TBC1D14: variants seen among roughly 807,000 people sequenced by gnomAD.
TBC1D14 encodes the protein TBC1 domain family, member 14.
A neutral mutation model predicts 79.0 loss-of-function variants in TBC1D14; 26 were observed. The ratio of observed to expected loss-of-function variants is 0.33; its 90% CI spans 0.24 to 0.46. TBC1D14 has a LOEUF of 0.46. Ranked by LOEUF, TBC1D14 falls within the 20% of genes least tolerant of loss-of-function variation. TBC1D14 has a pLI of 1.00. For missense variants in TBC1D14, 769 were observed against 887.6 expected, an observed-to-expected ratio of 0.87 and a Z score of 1.70; for synonymous variants, 394 against 349.9, an observed-to-expected ratio of 1.13 and a Z score of -1.40.
At chr4:6,931,328 C>T (rs561740334) in intron 2 of TBC1D14, among the ~76,000 whole-genome samples, 20 of 152,332 alleles carry the variant, frequency 1.3e-4, no homozygotes, top group African/African-American at 4.8e-4. Context: ...GTCTGCACTT[C>T]TTTTCCAGCC....
intron 1 of TBC1D14, among the ~76,000 whole-genome samples, chr4:6,922,248 G>T (rs77046649): frequency 0.01 from 1,579 of 152,150 alleles, 28 homozygotes; most frequent in African/African-American, 0.036. Context: ...TAGAGACAGG[G>T]TCTTGTTACG....
At chr4:7,021,953 G>A (rs1381519125) in intron 12 of TBC1D14, among the ~76,000 whole-genome samples, 1 of 152,230 alleles carries the variant, frequency 6.6e-6, no homozygotes, top group Non-Finnish European at 1.5e-5. Flanking sequence ...GACCGGTTCT[G>A]ATCCCATGGC....
At chr4:6,978,738 TAAA>T (rs59534721) in intron 3 of TBC1D14, among the ~76,000 whole-genome samples, 11,558 of 108,160 alleles carry the variant, frequency 0.11, 735 homozygotes, top group African/African-American at 0.22. Context: ...AATGATCAAT[TAAA>T]AAAAAAAAAA....
At chr4:7,010,631 G>A (rs373945277) in intron 10 of TBC1D14, 22 bp from the exon 11 acceptor site, 39 of 1,605,962 alleles carry the variant, frequency 2.4e-5, no homozygotes, top group Non-Finnish European at 3.1e-5. Context: ...TGATTTTAAC[G>A]TGCCTTTCTC....
chr4:6,917,239 A>G (rs572686855), intron 1 of TBC1D14, among the ~76,000 whole-genome samples: 89 of 152,334 alleles, frequency 5.8e-4, no homozygotes, highest in Middle Eastern at 6.8e-3. Context: ...GGTAGTAATT[A>G]ATTCAGCGAG....
Position 6,923,881 on chromosome 4 carries a change from A to G in TBC1D14, c.492A>G (p.Thr164=), listed in dbSNP as rs1313229783. 3.1e-6 allele frequency: 5 copies of G among 1,614,178 alleles called. No homozygotes were observed. The highest frequency in any genetic ancestry group is 4.2e-6 in the Non-Finnish European group (5 of 1,180,042). ...VSVCSVSSLG[T]ELSTTLSVSN... is the part of the protein sequence containing the mutation. ...TCTGCAGCGTGTCCAGTCTTGGGACAGAGCTGTCCACCACGCTGTCCGTCA... is the reference window on the plus strand; with the variant it reads ...TCTGCAGCGTGTCCAGTCTTGGGACGGAGCTGTCCACCACGCTGTCCGTCA... The change falls in exon 2 of 14, where the codon ACA becomes ACG. Residue 164 remains threonine, a synonymous_variant. Coordinates refer to ENST00000409757, the MANE Select transcript of TBC1D14 (RefSeq NM_020773.3).
intron 2 of TBC1D14, among the ~76,000 whole-genome samples, chr4:6,954,746 G>T (rs1714469489): frequency 6.6e-6 from 1 of 152,210 alleles, no homozygotes; most frequent in East Asian, 1.9e-4. Context: ...GACTACAAAC[G>T]TGTGCCACGA....
At chr4:6,920,328 G>T (rs1445571716) in intron 1 of TBC1D14, among the ~76,000 whole-genome samples, 1 of 152,006 alleles carries the variant, frequency 6.6e-6, no homozygotes, top group Non-Finnish European at 1.5e-5. Context: ...CTGGAGTGCA[G>T]TGGTGATCAT....
intron 13 of TBC1D14, among the ~76,000 whole-genome samples, chr4:7,027,593 G>T (rs187945588): frequency 8.0e-6 from 1 of 124,628 alleles, no homozygotes; most frequent in Non-Finnish European, 1.7e-5. Context: ...ACCCACCCAC[G>T]CATACAATTA....
chr4:6,937,643 C>T (rs577935891), intron 2 of TBC1D14, among the ~76,000 whole-genome samples: 4 of 152,246 alleles, frequency 2.6e-5, no homozygotes, highest in African/African-American at 7.2e-5. Flanking sequence ...GCGTGCTGCG[C>T]GTCTTTCTCC....
At chr4:6,962,285 C>T (rs919455489) in intron 2 of TBC1D14, among the ~76,000 whole-genome samples, 1 of 152,260 alleles carries the variant, frequency 6.6e-6, no homozygotes, top group Middle Eastern at 3.4e-3. Context: ...GACTCATGAG[C>T]TAGAGTCCTG....
At chr4:6,941,642 TC>T (rs34919970) in intron 2 of TBC1D14, among the ~76,000 whole-genome samples, 67,729 of 152,040 alleles carry the variant, frequency 0.45, 16,159 homozygotes, top group East Asian at 0.68. Context: ...GCACATCTGT[TC>T]CTGTGACTTG....
intron 2 of TBC1D14, among the ~76,000 whole-genome samples, chr4:6,924,677 A>T (rs1270234798): frequency 6.6e-6 from 1 of 151,864 alleles, no homozygotes; most frequent in Non-Finnish European, 1.5e-5. Flanking sequence ...CTGGCCATGC[A>T]CTCCGTCCCC....
intron 2 of TBC1D14, among the ~76,000 whole-genome samples, chr4:6,962,803 G>A (rs1392725292): frequency 6.6e-6 from 1 of 152,264 alleles, no homozygotes; most frequent in Admixed American, 6.5e-5. Context: ...TCAGTCTCGG[G>A]CCTTGATTCG....
chr4:6,928,549 G>C (rs1006858839), intron 2 of TBC1D14, among the ~76,000 whole-genome samples: 1 of 152,122 alleles, frequency 6.6e-6, no homozygotes, highest in African/African-American at 2.4e-5. Context: ...TTAATATGAG[G>C]GGGCCGGGTG....
At chr4:7,003,773 G>C (rs1358716550) in intron 7 of TBC1D14, among the ~76,000 whole-genome samples, 2 of 152,034 alleles carry the variant, frequency 1.3e-5, no homozygotes, top group East Asian at 3.9e-4. Context: ...GTTGTGGCAG[G>C]GGGGAATCAC....
chr4:6,999,860 G>T (rs1157051267), intron 6 of TBC1D14, among the ~76,000 whole-genome samples: 1 of 152,166 alleles, frequency 6.6e-6, no homozygotes, highest in Non-Finnish European at 1.5e-5. Context: ...AGTGCACCTG[G>T]CAGAGTCTGG....
intron 3 of TBC1D14, 72 bp from the exon 4 acceptor site, chr4:6,994,112 A>G (rs945021781): frequency 3.6e-5 from 47 of 1,315,016 alleles, no homozygotes; most frequent in Non-Finnish European, 4.3e-5. Context: ...TGACAAAACA[A>G]CTTTCTTACT....
chr4:6,940,039 C>T (rs1397986529), intron 2 of TBC1D14, among the ~76,000 whole-genome samples: 1 of 152,228 alleles, frequency 6.6e-6, no homozygotes, highest in East Asian at 1.9e-4. Flanking sequence ...CAGAGTCATC[C>T]CTTTTGGCTG....
Sources: allele counts gnomAD v4.1 joint callset (sites outside exome capture counted in the v4.1 genomes callset), GRCh38; gene constraint gnomAD v4.1.1; transcripts MANE v1.5; gene names NCBI Gene and HGNC (gene_info 2026-07-23, HGNC 2026-07-21).